Variants in ANO3 observed in about 807,000 individuals in gnomAD.
ANO3 encodes anoctamin 3.
A neutral mutation model predicts 144.8 loss-of-function variants in ANO3; 99 were observed. That is an observed-to-expected ratio of 0.68 (90% CI 0.58 to 0.81). The LOEUF is 0.81. Ranked by LOEUF, ANO3 falls within the 30% of genes least tolerant of loss-of-function variation. The pLI is 0.00. For missense variants in ANO3, 905 were observed against 1,202.2 expected, an observed-to-expected ratio of 0.75 and a Z score of 3.66; for synonymous variants, 414 against 392.6, an observed-to-expected ratio of 1.05 and a Z score of -0.64.
chr11:26,388,201 T>C (rs1299585363), intron 1 of ANO3, among the ~76,000 whole-genome samples: 1 of 151,732 alleles, frequency 6.6e-6, no homozygotes, highest in Non-Finnish European at 1.5e-5. Flanking sequence ...TATTATGTCC[T>C]ATAAACCCAG....
intron 4 of ANO3, among the ~76,000 whole-genome samples, chr11:26,504,092 CTT>C (rs1249999243): frequency 6.6e-6 from 1 of 152,166 alleles, no homozygotes; most frequent in Non-Finnish European, 1.5e-5. Flanking sequence ...TTCACCTAAT[CTT>C]TTCTTAGATC....
intron 1 of ANO3, among the ~76,000 whole-genome samples, chr11:26,416,160 A>ATTTT (rs1857580716): frequency 2.6e-5 from 4 of 152,054 alleles, no homozygotes; most frequent in Non-Finnish European, 5.9e-5. Context: ...CCCTAAGTAA[A>ATTTT]ATAGTATGCA....
At chr11:26,467,755 A>T (rs1266388630) in intron 4 of ANO3, among the ~76,000 whole-genome samples, 2 of 151,586 alleles carry the variant, frequency 1.3e-5, no homozygotes, top group African/African-American at 4.8e-5. Context: ...GGGAGTGCAG[A>T]TATTTCTTTT....
At chr11:26,351,140 ATTTG>A (rs747700502) in intron 1 of ANO3, among the ~76,000 whole-genome samples, 1 of 152,110 alleles carries the variant, frequency 6.6e-6, no homozygotes, top group Non-Finnish European at 1.5e-5. Flanking sequence ...AATAATGTTT[ATTTG>A]TTGTCTTAAT....
intron 1 of ANO3, among the ~76,000 whole-genome samples, chr11:26,428,121 A>C (rs1857973122): frequency 6.6e-6 from 1 of 152,210 alleles, no homozygotes. Context: ...AAAAATCAGA[A>C]AGTAATTGTT....
At chr11:26,226,642 A>T (rs78855133) in intron 1 of ANO3, among the ~76,000 whole-genome samples, 2,314 of 152,278 alleles carry the variant, frequency 0.015, 49 homozygotes, top group East Asian at 0.13. Flanking sequence ...ATCAGTGGCT[A>T]CATAAATATT....
chr11:26,492,451 G>C (rs1461005646), intron 4 of ANO3, among the ~76,000 whole-genome samples: 1 of 152,070 alleles, frequency 6.6e-6, no homozygotes, highest in East Asian at 1.9e-4. Flanking sequence ...ATAACTCTCT[G>C]GGGCAGCAGT....
intron 17 of ANO3, among the ~76,000 whole-genome samples, chr11:26,610,789 C>CT (rs1168293781): frequency 6.6e-6 from 1 of 152,016 alleles, no homozygotes; most frequent in Non-Finnish European, 1.5e-5. Flanking sequence ...CGGTAGATGA[C>CT]TATTTATTAC....
Position 26,350,081 on chromosome 11 carries a change from G to T in ANO3, c.46+17760G>T, listed in dbSNP as rs72876931. On this transcript the variant is annotated intron_variant, in intron 1 of 26. Transcript: ENST00000256737. Reference sequence around the variant, plus strand: ...GAAGGGGGAGGAGACAGGAACGGAAGGGGGAGAAGAAAGAAACAGATCTAT... The same window carrying T: ...GAAGGGGGAGGAGACAGGAACGGAATGGGGAGAAGAAAGAAACAGATCTAT... Among the ~76,000 whole-genome samples, 522 of 151,892 alleles carry T rather than the reference G, an allele frequency of 3.4e-3. 2 individuals carry two copies. Among genetic ancestry groups the T allele is most frequent in the African/African-American group, 0.012 (497 of 41,508 alleles).
At chr11:26,217,675 T>C (rs1852061283) in intron 1 of ANO3, among the ~76,000 whole-genome samples, 1 of 152,050 alleles carries the variant, frequency 6.6e-6, no homozygotes, top group Admixed American at 6.6e-5. Context: ...AGTTGGCAAA[T>C]AGTATATGTT....
At chr11:26,214,587 T>C (rs537468694) in intron 1 of ANO3, among the ~76,000 whole-genome samples, 3 of 152,092 alleles carry the variant, frequency 2.0e-5, no homozygotes, top group African/African-American at 7.2e-5. Flanking sequence ...TCCATCTCAA[T>C]GTAGTATCTG....
intron 14 of ANO3, among the ~76,000 whole-genome samples, chr11:26,567,602 C>G (rs1244202708): frequency 6.6e-6 from 1 of 151,950 alleles, no homozygotes; most frequent in East Asian, 1.9e-4. Flanking sequence ...TACTTCTCTT[C>G]AAAAGCTTTT....
intron 1 of ANO3, among the ~76,000 whole-genome samples, chr11:26,196,704 A>T (rs528697000): frequency 1.3e-5 from 2 of 152,318 alleles, no homozygotes; most frequent in African/African-American, 4.8e-5. Context: ...TATACTTCAT[A>T]AGATTCATTA....
chr11:26,408,877 A>G (rs1195340860), intron 1 of ANO3, among the ~76,000 whole-genome samples: 1 of 151,846 alleles, frequency 6.6e-6, no homozygotes, highest in Admixed American at 6.6e-5. Flanking sequence ...TCGCAAGGAC[A>G]AAAAACCAAA....
At chr11:26,285,164 T>C (rs561699573) in intron 1 of ANO3, among the ~76,000 whole-genome samples, 2 of 152,306 alleles carry the variant, frequency 1.3e-5, no homozygotes, top group Admixed American at 1.3e-4. Flanking sequence ...TTAATAAAGT[T>C]CACTTTGTTA....
At chr11:26,372,862 TATATTC>T (rs894478890) in intron 1 of ANO3, among the ~76,000 whole-genome samples, 10 of 152,204 alleles carry the variant, frequency 6.6e-5, no homozygotes, top group African/African-American at 1.2e-4. Context: ...TTTGAACATT[TATATTC>T]ATATTATAAA....
intron 1 of ANO3, among the ~76,000 whole-genome samples, chr11:26,282,785 G>C (rs1203065448): frequency 2.0e-5 from 3 of 151,840 alleles, no homozygotes; most frequent in African/African-American, 7.3e-5. Context: ...GGAAATTTTT[G>C]AATAAAAAGA....
chr11:26,254,033 T>C (rs1002125657), intron 1 of ANO3, among the ~76,000 whole-genome samples: 8 of 152,192 alleles, frequency 5.3e-5, no homozygotes, highest in Non-Finnish European at 7.3e-5. Context: ...TGCAATTTTG[T>C]TCTAGATGGA....
rs1849366049 is a variant in ANO3 at position 26,531,328 on chromosome 11, G to A, written c.861G>A (p.Arg287=). The change falls in exon 8 of 27, where the codon CGG becomes CGA. Residue 287 remains arginine, a synonymous_variant. Transcript: ENST00000256737. ...ATACTGGCCCCTTCAGCCGTGCACGGATTCACCAGTGAGTTCCCCTCTTTT... is the reference window on the plus strand; with the variant it reads ...ATACTGGCCCCTTCAGCCGTGCACGAATTCACCAGTGAGTTCCCCTCTTTT... The part of the protein sequence containing the change: ...DCYTGPFSRA[R]IHHFIINNKD... 6.2e-7 allele frequency: 1 copy of A among 1,604,592 alleles called. No individual in the cohort carries two copies. Among genetic ancestry groups the A allele is most frequent in the East Asian group, 2.3e-5 (1 of 44,134 alleles).
Sources: gnomAD v4.1 joint callset for allele counts (sites outside exome capture counted in the v4.1 genomes callset) on GRCh38, gnomAD v4.1.1 for gene constraint, MANE v1.5 for transcripts, NCBI Gene and HGNC (gene_info 2026-07-23, HGNC 2026-07-21) for gene names.